The following FRMD5 variants were observed in gnomAD, a reference collection of about 807,000 sequenced individuals.
FRMD5 encodes FERM domain-containing protein 5.
Under a neutral mutation model 69.0 loss-of-function variants are expected in FRMD5, and 20 were observed. That is an observed-to-expected ratio of 0.29 (90% CI 0.20 to 0.42). The LOEUF is 0.42. Among genes scored for constraint, FRMD5 ranks in the 10% least tolerant of loss-of-function variants. FRMD5 has a pLI of 1.00. For synonymous variants in FRMD5, 271 were observed against 260.1 expected (o/e 1.04, Z -0.40); for missense variants, 595 against 708.6 (o/e 0.84, Z 1.82).
intron 1 of FRMD5, among the ~76,000 whole-genome samples, chr15:44,154,894 T>C (rs541955699): frequency 6.6e-6 from 1 of 152,282 alleles, no homozygotes; most frequent in East Asian, 1.9e-4. Flanking sequence ...AGCCACTTAA[T>C]TGTACACTTT....
At chr15:44,017,207 G>A (rs914285701) in intron 1 of FRMD5, among the ~76,000 whole-genome samples, 1 of 151,810 alleles carries the variant, frequency 6.6e-6, no homozygotes, top group Non-Finnish European at 1.5e-5. Context: ...GCCTGGTGGT[G>A]GGCGCCTGTA....
chr15:44,041,175 A>G (rs1394550654), intron 1 of FRMD5, among the ~76,000 whole-genome samples: 1 of 152,182 alleles, frequency 6.6e-6, no homozygotes, highest in Non-Finnish European at 1.5e-5. Flanking sequence ...TGTACCCAAT[A>G]TAGGAGCACC....
chr15:44,103,762 T>C (rs1405454264), intron 1 of FRMD5, among the ~76,000 whole-genome samples: 2 of 152,250 alleles, frequency 1.3e-5, no homozygotes, highest in Non-Finnish European at 2.9e-5. Flanking sequence ...GATTTGCCTA[T>C]GCAGTTATGC....
intron 1 of FRMD5, among the ~76,000 whole-genome samples, chr15:43,938,631 C>A (rs2089805385): frequency 6.6e-6 from 1 of 152,156 alleles, no homozygotes; most frequent in Non-Finnish European, 1.5e-5. Flanking sequence ...ATTCCTTAGA[C>A]CTGGGCACTA....
chr15:44,095,163 C>G (rs2076533009), intron 1 of FRMD5, among the ~76,000 whole-genome samples: 1 of 151,830 alleles, frequency 6.6e-6, no homozygotes, highest in Non-Finnish European at 1.5e-5. Flanking sequence ...GACTTGGACT[C>G]CATTCATCTA....
At chr15:43,975,650 T>C (rs567663492) in intron 1 of FRMD5, among the ~76,000 whole-genome samples, 3 of 152,188 alleles carry the variant, frequency 2.0e-5, no homozygotes, top group Non-Finnish European at 4.4e-5. Context: ...GGATATATCA[T>C]GTTTATAGGT....
chr15:43,884,957 A>G (rs1259612717), intron 11 of FRMD5, 162 bp from the exon 12 acceptor site: 7 of 608,152 alleles, frequency 1.2e-5, no homozygotes, highest in South Asian at 2.0e-5. Flanking sequence ...TTGGTGGGGT[A>G]GACTTCTAAA....
chr15:44,118,620 C>T (rs2076903393), intron 1 of FRMD5, among the ~76,000 whole-genome samples: 1 of 152,206 alleles, frequency 6.6e-6, no homozygotes, highest in Admixed American at 6.5e-5. Flanking sequence ...TTTATCACAG[C>T]ATTTACTTCT....
At chr15:44,080,884 T>C (rs1316804487) in intron 1 of FRMD5, among the ~76,000 whole-genome samples, 1 of 152,148 alleles carries the variant, frequency 6.6e-6, no homozygotes, top group Non-Finnish European at 1.5e-5. Flanking sequence ...CTAATCATTT[T>C]GGTTCATTTG....
intron 1 of FRMD5, among the ~76,000 whole-genome samples, chr15:44,096,206 C>CAAAAAAAAAAAAAAAAAAAAAAAAAA (rs1213347011): frequency 2.1e-5 from 1 of 47,902 alleles, no homozygotes; most frequent in African/African-American, 7.5e-5. Flanking sequence ...AACTCCATCT[C>CAAAAAAAAAAAAAAAAAAAAAAAAAA]AAAAAAAAAA....
In FRMD5 at chr15:44,057,490, G is replaced by A. The variant is rs967109001; in HGVS notation, c.103-133181C>T. Reference sequence around the variant, plus strand: ...GAATAACCAGCTGTGTCTCTTTGAGGATCATCATGACACAATTGCTAACAT... The same window carrying A: ...GAATAACCAGCTGTGTCTCTTTGAGAATCATCATGACACAATTGCTAACAT... On this transcript the variant is annotated intron_variant, in intron 1 of 13. Coordinates refer to ENST00000417257, the MANE Select transcript of FRMD5 (RefSeq NM_032892.5). Among the ~76,000 whole-genome samples, 4 of 152,216 alleles carry A rather than the reference G, an allele frequency of 2.6e-5. 1 individual carries two copies. The highest frequency in any genetic ancestry group is 9.6e-5 in the African/African-American group (4 of 41,462).
chr15:44,192,399 CT>C (rs1285185676), intron 1 of FRMD5, among the ~76,000 whole-genome samples: 1 of 152,074 alleles, frequency 6.6e-6, no homozygotes, highest in African/African-American at 2.4e-5. Flanking sequence ...AAAATAGATA[CT>C]TTATTTAAAC....
At chr15:44,052,189 A>C (rs28670868) in intron 1 of FRMD5, among the ~76,000 whole-genome samples, 11,797 of 152,132 alleles carry the variant, frequency 0.078, 713 homozygotes, top group East Asian at 0.17. Context: ...ACTTTTATTT[A>C]TATCAGTATG....
In FRMD5 at chr15:43,872,054, CT is replaced by C. The variant is rs2088173957; in HGVS notation, c.*1830del. On this transcript the variant is annotated 3_prime_UTR_variant, in exon 14 of 14. Coordinates refer to ENST00000417257, the MANE Select transcript of FRMD5 (RefSeq NM_032892.5). ...GTTTTATTGGAACACAGCCATGTTC[CT>C]TCATTTACAAATTATCTGTGGCTGT... The C allele has an allele frequency of 6.6e-6, 1 of 152,218 alleles. No homozygotes were observed. Among genetic ancestry groups the C allele is most frequent in the Non-Finnish European group, 1.5e-5 (1 of 68,042 alleles). The allele number at this position is 152,218 out of a possible 1,614,324, so 9.4% of individuals were successfully genotyped here.
At chr15:43,952,200 C>T (rs2090046964) in intron 1 of FRMD5, among the ~76,000 whole-genome samples, 1 of 152,156 alleles carries the variant, frequency 6.6e-6, no homozygotes. Context: ...TAATGATTTT[C>T]TGTCATGCCC....
At chr15:43,898,070 G>T (rs1214127512) in intron 7 of FRMD5, among the ~76,000 whole-genome samples, 1 of 152,182 alleles carries the variant, frequency 6.6e-6, no homozygotes, top group African/African-American at 2.4e-5. Flanking sequence ...GTTCTTTATA[G>T]CAGTGTGAAA....
intron 1 of FRMD5, among the ~76,000 whole-genome samples, chr15:44,156,326 T>G (rs916517532): frequency 2.0e-5 from 3 of 152,142 alleles, no homozygotes; most frequent in Non-Finnish European, 4.4e-5. Flanking sequence ...GTATTTTTAG[T>G]AGAGACGGGG....
chr15:44,077,146 T>C (rs1321542294), intron 1 of FRMD5, among the ~76,000 whole-genome samples: 1 of 152,184 alleles, frequency 6.6e-6, no homozygotes, highest in African/African-American at 2.4e-5. Context: ...GGTTATGACA[T>C]ATCCATGTCA....
intron 1 of FRMD5, among the ~76,000 whole-genome samples, chr15:44,096,206 CAAAAAAAAAAAA>C (rs1213347011): frequency 2.1e-5 from 1 of 47,902 alleles, no homozygotes; most frequent in Non-Finnish European, 4.1e-5. Context: ...AACTCCATCT[CAAAAAAAAAAAA>C]AAAAAAAAAA....
Sources: gnomAD v4.1 joint callset for allele counts (sites outside exome capture counted in the v4.1 genomes callset) on GRCh38, gnomAD v4.1.1 for gene constraint, MANE v1.5 for transcripts, NCBI Gene and HGNC (gene_info 2026-07-23, HGNC 2026-07-21) for gene names.